The following KCNN2 variants were observed in gnomAD, a reference collection of about 807,000 sequenced individuals.
The protein encoded by KCNN2 is potassium calcium-activated channel subfamily N member 2, also known as small conductance calcium-activated potassium channel protein 2.
A neutral mutation model predicts 55.5 loss-of-function variants in KCNN2; 24 were observed. That is an observed-to-expected ratio of 0.43 (90% CI 0.31 to 0.61). The LOEUF is 0.61. KCNN2 is among the 20% of genes least tolerant of loss of function. The pLI is 0.08. For synonymous variants in KCNN2, 431 were observed against 336.1 expected, an observed-to-expected ratio of 1.28 and a Z score of -3.09; for missense variants, 754 against 853.6, an observed-to-expected ratio of 0.88 and a Z score of 1.45.
chr5:114,230,315 G>T, intron 2 of KCNN2, among the ~76,000 whole-genome samples: 1 of 139,452 alleles, frequency 7.2e-6, no homozygotes, highest in African/African-American at 2.7e-5. Flanking sequence ...TAAGTTTTAG[G>T]GTACATGTGC....
intron 2 of KCNN2, among the ~76,000 whole-genome samples, chr5:114,389,337 C>T (rs989538453): frequency 5.9e-5 from 9 of 151,998 alleles, no homozygotes; most frequent in Admixed American, 3.9e-4. Context: ...GATTTTATAC[C>T]GGCTAAGTAT....
At chr5:114,385,252 C>T (rs1291522798) in intron 2 of KCNN2, among the ~76,000 whole-genome samples, 1 of 151,654 alleles carries the variant, frequency 6.6e-6, no homozygotes, top group African/African-American at 2.4e-5. Flanking sequence ...TGTTCTCTTT[C>T]TCTCCCTTTC....
chr5:114,487,161 C>T lies in KCNN2; in HGVS notation c.2002C>T (p.Leu668=). Residue 668 remains leucine, a synonymous_variant, in exon 6 of 8, where the codon CTG becomes TTG. Coordinates refer to ENST00000673685, the MANE Select transcript of KCNN2 (RefSeq NM_021614.4). ...AGTAAGAAAACATCAACGAAAATTCCTGCAAGCTATTCATCAGTAAGTATC... is the reference window on the plus strand; with the variant it reads ...AGTAAGAAAACATCAACGAAAATTCTTGCAAGCTATTCATCAGTAAGTATC... ...AKVRKHQRKF[L]QAIHQLRSVK... The T allele has an allele frequency of 6.2e-7, 1 of 1,612,908 alleles. No homozygotes were observed. Among genetic ancestry groups the T allele is most frequent in the Non-Finnish European group, 8.5e-7 (1 of 1,179,244 alleles).
At chr5:114,057,468 G>A (rs967750491) in intron 1 of KCNN2, among the ~76,000 whole-genome samples, 1 of 152,150 alleles carries the variant, frequency 6.6e-6, no homozygotes, top group Non-Finnish European at 1.5e-5. Flanking sequence ...CTAGAACAGA[G>A]CTCTTCATAC....
chr5:114,170,122 C>T (rs904125969), intron 1 of KCNN2, among the ~76,000 whole-genome samples: 5 of 151,968 alleles, frequency 3.3e-5, no homozygotes, highest in Admixed American at 3.3e-4. Flanking sequence ...TAGGAATAAC[C>T]TCAACAGATA....
intron 1 of KCNN2, among the ~76,000 whole-genome samples, chr5:114,100,857 A>C (rs1751359332): frequency 6.6e-6 from 1 of 152,116 alleles, no homozygotes; most frequent in African/African-American, 2.4e-5. Flanking sequence ...ACAGGAAAAG[A>C]ATAGTGAAAT....
chr5:114,371,849 G>C (rs982913396), intron 2 of KCNN2, among the ~76,000 whole-genome samples: 23 of 152,112 alleles, frequency 1.5e-4, no homozygotes, highest in African/African-American at 5.1e-4. Flanking sequence ...CTTTCAGATA[G>C]GATCTTCCAG....
intron 2 of KCNN2, among the ~76,000 whole-genome samples, chr5:114,288,224 C>T (rs1395674371): frequency 6.6e-6 from 1 of 152,124 alleles, no homozygotes; most frequent in East Asian, 1.9e-4. Context: ...TGTGTATATA[C>T]CACAATTTGT....
intron 1 of KCNN2, among the ~76,000 whole-genome samples, chr5:114,111,538 A>G (rs1751597478): frequency 6.6e-6 from 1 of 152,232 alleles, no homozygotes; most frequent in African/African-American, 2.4e-5. Context: ...ATCAGAGTGA[A>G]CAGGCAACCT....
At chr5:114,471,547 T>C (rs879469302) in intron 4 of KCNN2, among the ~76,000 whole-genome samples, 18 of 152,188 alleles carry the variant, frequency 1.2e-4, no homozygotes, top group Admixed American at 6.5e-4. Flanking sequence ...ATAGATATTA[T>C]GAGATGAAGT....
At chr5:114,202,679 C>T (rs770364204) in intron 1 of KCNN2, among the ~76,000 whole-genome samples, 5 of 150,142 alleles carry the variant, frequency 3.3e-5, no homozygotes, top group African/African-American at 9.8e-5. Flanking sequence ...CTCCTCCTCC[C>T]GGGTTCACGC....
intron 2 of KCNN2, among the ~76,000 whole-genome samples, chr5:114,306,704 T>TTC (rs1273052728): frequency 6.8e-6 from 1 of 146,374 alleles, no homozygotes; most frequent in African/African-American, 2.5e-5. Flanking sequence ...TTTTTTCTTT[T>TTC]TTTTTTTTTT....
chr5:114,232,310 A>G (rs1056455596), intron 2 of KCNN2, among the ~76,000 whole-genome samples: 1 of 151,310 alleles, frequency 6.6e-6, no homozygotes, highest in African/African-American at 2.5e-5. Context: ...TTAATTCTAA[A>G]TTAGTGTTAT....
chr5:114,135,234 A>C (rs944829270), intron 1 of KCNN2, among the ~76,000 whole-genome samples: 1 of 152,116 alleles, frequency 6.6e-6, no homozygotes, highest in Non-Finnish European at 1.5e-5. Context: ...GTGAAGGTGG[A>C]GATAAAAACA....
intron 1 of KCNN2, among the ~76,000 whole-genome samples, chr5:114,076,504 C>A (rs1023004308): frequency 1.9e-4 from 29 of 152,118 alleles, no homozygotes; most frequent in African/African-American, 1.2e-4. Flanking sequence ...ATAAAAGGAT[C>A]CTTACACAAA....
chr5:114,110,003 C>T (rs1268163237), intron 1 of KCNN2, among the ~76,000 whole-genome samples: 1 of 152,008 alleles, frequency 6.6e-6, no homozygotes, highest in Non-Finnish European at 1.5e-5. Flanking sequence ...GAGATTAAGG[C>T]TCTTATAAAA....
intron 1 of KCNN2, among the ~76,000 whole-genome samples, chr5:114,120,902 C>T (rs1751818792): frequency 6.6e-6 from 1 of 152,216 alleles, no homozygotes; most frequent in African/African-American, 2.4e-5. Flanking sequence ...GCATGGCATA[C>T]TTAAAAATAT....
intron 1 of KCNN2, among the ~76,000 whole-genome samples, chr5:114,171,939 A>C (rs1271020345): frequency 6.6e-6 from 1 of 151,890 alleles, no homozygotes; most frequent in Non-Finnish European, 1.5e-5. Context: ...CCCAGTTTTC[A>C]GGGTGTATAG....
At chr5:114,290,959 A>G (rs554503358) in intron 2 of KCNN2, among the ~76,000 whole-genome samples, 24 of 151,942 alleles carry the variant, frequency 1.6e-4, no homozygotes, top group Middle Eastern at 3.2e-3. Context: ...TATGGTTGCA[A>G]TCCTTTTAAC....
Sources: gnomAD v4.1 joint callset for allele counts (sites outside exome capture counted in the v4.1 genomes callset) on GRCh38, gnomAD v4.1.1 for gene constraint, MANE v1.5 for transcripts, NCBI Gene and HGNC (gene_info 2026-07-23, HGNC 2026-07-21) for gene names.